Variants in GABRG3 observed in about 807,000 individuals in gnomAD.
GABRG3 encodes gamma-aminobutyric acid receptor subunit gamma-3.
Under a neutral mutation model 48.8 loss-of-function variants are expected in GABRG3, and 25 were observed. The ratio of observed to expected loss-of-function variants is 0.51; its 90% CI spans 0.37 to 0.72. The LOEUF (loss-of-function observed/expected upper bound fraction) is 0.72, where lower values mean the gene tolerates loss of function less well. Among genes scored for constraint, GABRG3 ranks in the 30% least tolerant of loss-of-function variants. GABRG3 has a pLI of 0.00. For synonymous variants in GABRG3, 227 were observed against 217.6 expected (o/e 1.04, Z -0.38); for missense variants, 394 against 577.9 (o/e 0.68, Z 3.26).
chr15:27,459,523 G>C lies in GABRG3; in HGVS notation c.575-21127G>C, dbSNP rs565003090. Among the ~76,000 whole-genome samples, 13 of 152,236 alleles carry C rather than the reference G, an allele frequency of 8.5e-5. No individual in the cohort carries two copies. The South Asian group carries it at 2.7e-3, about 32-fold the overall frequency. The stretch of plus-strand genomic sequence containing the variant: ...GGCAGATCTCATGTGCTCATATTAA[G>C]TGTTCTTACTGCAGTAAAATAAAAT... On this transcript the variant is annotated intron_variant, in intron 5 of 9. Coordinates refer to ENST00000615808, the MANE Select transcript of GABRG3 (RefSeq NM_033223.5).
At chr15:27,203,940 T>C (rs1202252802) in intron 3 of GABRG3, among the ~76,000 whole-genome samples, 1 of 152,082 alleles carries the variant, frequency 6.6e-6, no homozygotes, top group Admixed American at 6.6e-5. Flanking sequence ...AAGTTAAGTT[T>C]CTGAAAGTTA....
intron 2 of GABRG3, among the ~76,000 whole-genome samples, chr15:27,021,618 G>A (rs944502402): frequency 6.6e-6 from 1 of 152,170 alleles, no homozygotes; most frequent in African/African-American, 2.4e-5. Context: ...AAGCGGGAAG[G>A]CTGTTTGAAT....
chr15:27,389,491 G>C (rs891716796), intron 5 of GABRG3, among the ~76,000 whole-genome samples: 3 of 152,092 alleles, frequency 2.0e-5, no homozygotes, highest in African/African-American at 7.2e-5. Flanking sequence ...CGGTGAAATG[G>C]GTTATTTTGA....
chr15:27,274,346 A>T (rs994230112), intron 3 of GABRG3, among the ~76,000 whole-genome samples: 3 of 152,182 alleles, frequency 2.0e-5, no homozygotes, highest in African/African-American at 7.2e-5. Context: ...GAGCTTCCAC[A>T]GGCTGAGAAG....
chr15:27,042,313 C>T (rs938075718), intron 3 of GABRG3, among the ~76,000 whole-genome samples: 4 of 152,246 alleles, frequency 2.6e-5, no homozygotes, highest in African/African-American at 4.8e-5. Flanking sequence ...TTCAGGGATG[C>T]GAGTGGGCGG....
intron 5 of GABRG3, among the ~76,000 whole-genome samples, chr15:27,398,807 A>G (rs941339878): frequency 6.6e-6 from 1 of 152,206 alleles, no homozygotes; most frequent in African/African-American, 2.4e-5. Context: ...CCAAAGATAG[A>G]ACGCAGTAGT....
chr15:27,422,834 A>G (rs922377824), intron 5 of GABRG3, among the ~76,000 whole-genome samples: 1 of 152,210 alleles, frequency 6.6e-6, no homozygotes, highest in Non-Finnish European at 1.5e-5. Context: ...GAGAACTCAC[A>G]AGGCAAAAGA....
At chr15:27,490,501 A>G (rs545335104) in intron 6 of GABRG3, among the ~76,000 whole-genome samples, 2 of 152,306 alleles carry the variant, frequency 1.3e-5, no homozygotes, top group South Asian at 4.2e-4. Flanking sequence ...AATCTGAAGA[A>G]ATGCAGGCCT....
At chr15:27,017,464 A>T (rs924055913) in intron 2 of GABRG3, among the ~76,000 whole-genome samples, 1 of 152,112 alleles carries the variant, frequency 6.6e-6, no homozygotes, top group African/African-American at 2.4e-5. Flanking sequence ...TGGTAGAACA[A>T]ACCCTGTTCA....
At chr15:27,469,173 G>A (rs1889707137) in intron 5 of GABRG3, among the ~76,000 whole-genome samples, 1 of 151,976 alleles carries the variant, frequency 6.6e-6, no homozygotes, top group Admixed American at 6.6e-5. Context: ...TTAATCCAAT[G>A]TCATAATTAC....
intron 6 of GABRG3, among the ~76,000 whole-genome samples, chr15:27,505,124 A>C (rs1316653772): frequency 6.6e-6 from 1 of 152,138 alleles, no homozygotes; most frequent in Non-Finnish European, 1.5e-5. Context: ...AGTCTCTTCA[A>C]ATCTATGATA....
At chr15:26,980,079 A>G (rs1248353727) in intron 2 of GABRG3, among the ~76,000 whole-genome samples, 1 of 152,148 alleles carries the variant, frequency 6.6e-6, no homozygotes, top group African/African-American at 2.4e-5. Flanking sequence ...CCATTTCTTT[A>G]AAGTTGTCAA....
In GABRG3 at chr15:27,172,334, TCTTAGTGTG is replaced by T. The variant is rs141729195; in HGVS notation, c.270+145517_270+145525del. Among the ~76,000 whole-genome samples, 3 of 152,202 alleles carry T rather than the reference TCTTAGTGTG, an allele frequency of 2.0e-5. No individual in the cohort carries two copies. In the East Asian group the frequency reaches 5.8e-4, roughly 29 times the overall value. On this transcript the variant is annotated intron_variant, in intron 3 of 9. Coordinates refer to ENST00000615808, the MANE Select transcript of GABRG3 (RefSeq NM_033223.5). The stretch of plus-strand genomic sequence containing the variant: ...TTGAAATCTTGGAAGGCTCCTTAGT[TCTTAGTGTG>T]CTTGTCACTTAGTGGCTTTCTTGGC...
intron 3 of GABRG3, among the ~76,000 whole-genome samples, chr15:27,037,903 A>C (rs1011266348): frequency 6.6e-6 from 1 of 152,112 alleles, no homozygotes; most frequent in Non-Finnish European, 1.5e-5. Flanking sequence ...TACTTTCCAC[A>C]TGCCACCAAC....
chr15:27,458,707 A>C (rs978887266), intron 5 of GABRG3, among the ~76,000 whole-genome samples: 1 of 152,060 alleles, frequency 6.6e-6, no homozygotes, highest in African/African-American at 2.4e-5. Context: ...AAAAATAACC[A>C]AAAGGAGAAA....
intron 3 of GABRG3, among the ~76,000 whole-genome samples, chr15:27,197,022 C>T (rs1314615920): frequency 6.6e-6 from 1 of 152,192 alleles, no homozygotes; most frequent in Non-Finnish European, 1.5e-5. Flanking sequence ...GGATGTCACA[C>T]TCTGCAACGT....
intron 3 of GABRG3, among the ~76,000 whole-genome samples, chr15:27,094,835 A>T (rs1897245797): frequency 6.6e-6 from 1 of 152,240 alleles, no homozygotes; most frequent in South Asian, 2.1e-4. Context: ...CAAAGAAGAA[A>T]AAATCCTAGA....
intron 3 of GABRG3, among the ~76,000 whole-genome samples, chr15:27,250,336 GTAAA>G (rs1890414692): frequency 6.6e-6 from 1 of 152,228 alleles, no homozygotes; most frequent in Non-Finnish European, 1.5e-5. Context: ...CAAGTTAAAG[GTAAA>G]TAAAGTCAAG....
rs1891610705 is a variant in GABRG3 at position 27,539,084 on chromosome 15, T to C, written c.*6203T>C. On this transcript the variant is annotated 3_prime_UTR_variant, in exon 10 of 10. Transcript: ENST00000615808. Reference sequence around the variant, plus strand: ...GTAAAATAGACTCCCAAATCTCCTTTGGGAAAGGAACCTGTGGACCCTGGA... The same window carrying C: ...GTAAAATAGACTCCCAAATCTCCTTCGGGAAAGGAACCTGTGGACCCTGGA... 1 of 152,170 alleles carries C rather than the reference T, an allele frequency of 6.6e-6. No homozygotes were observed. The highest frequency in any genetic ancestry group is 1.5e-5 in the Non-Finnish European group (1 of 68,024). 9.4% of individuals were successfully genotyped at this position (152,170 alleles called of 1,614,324 possible).
Sources: allele counts gnomAD v4.1 joint callset (sites outside exome capture counted in the v4.1 genomes callset), GRCh38; gene constraint gnomAD v4.1.1; transcripts MANE v1.5; gene names NCBI Gene and HGNC (gene_info 2026-07-23, HGNC 2026-07-21).